METTL8: variants seen among roughly 807,000 people sequenced by gnomAD.
METTL8 encodes methyltransferase 8, tRNA N3-cytidine, also known as tRNA N(3)-cytidine methyltransferase METTL8, mitochondrial.
METTL8 carries 32 observed loss-of-function variants against 48.7 expected under a neutral mutation model. That is an observed-to-expected ratio of 0.66 (90% CI 0.50 to 0.88). METTL8 has a LOEUF of 0.88. METTL8 is among the 40% of genes least tolerant of loss of function. The pLI, the probability that METTL8 is intolerant of heterozygous loss-of-function variation, is 0.00. For missense variants in METTL8, 464 were observed against 474.4 expected (o/e 0.98, Z 0.20); for synonymous variants, 136 against 157.1 (o/e 0.87, Z 1.01).
chr2:171,336,494 C>T (rs1195544857), intron 5 of METTL8, among the ~76,000 whole-genome samples: 1 of 134,008 alleles, frequency 7.5e-6, no homozygotes, highest in African/African-American at 2.8e-5. Flanking sequence ...CTCGGCCTCC[C>T]GGGTTCACGC....
In METTL8 at chr2:171,387,102, A is replaced by G. The variant is rs544941547; in HGVS notation, c.143+4941T>C. On this transcript the variant is annotated intron_variant, in intron 2 of 9. Transcript: ENST00000375258. ...AGTGATCCGATTCTTCCCATACACCAAGGCAAGAACCCTGGGATACAGAAA... is the reference window on the plus strand; with the variant it reads ...AGTGATCCGATTCTTCCCATACACCGAGGCAAGAACCCTGGGATACAGAAA... Among the ~76,000 whole-genome samples the G allele has an allele frequency of 3.9e-5, 5 of 128,386 alleles. No homozygotes were observed. The South Asian group carries it at 1.1e-3, about 29-fold the overall frequency. The allele number at this position is 128,386 out of a possible 152,430, so 84.2% of individuals were successfully genotyped here.
intron 4 of METTL8, among the ~76,000 whole-genome samples, chr2:171,337,771 T>C (rs1366475477): frequency 6.9e-6 from 1 of 144,422 alleles, no homozygotes; most frequent in Non-Finnish European, 1.5e-5. Context: ...CTGCAATGAA[T>C]ATGATAAAGG....
chr2:171,324,882 A>G (rs1684771967), intron 9 of METTL8, among the ~76,000 whole-genome samples: 1 of 152,072 alleles, frequency 6.6e-6, no homozygotes, highest in African/African-American at 2.4e-5. Context: ...GCCAGGGTGA[A>G]TCACTTGAGG....
At chr2:171,348,030 TC>T (rs1683472018) in intron 3 of METTL8, among the ~76,000 whole-genome samples, 1 of 152,174 alleles carries the variant, frequency 6.6e-6, no homozygotes, top group Non-Finnish European at 1.5e-5. Flanking sequence ...GGCACTGCCC[TC>T]TTCACTAGGT....
In METTL8 at chr2:171,339,289, G is replaced by T; in HGVS notation, c.501C>A (p.Ser167Arg). The change falls in exon 4 of 10, where the codon AGC becomes AGA. Residue 167 changes from serine (S) to arginine (R), a missense_variant. By Grantham distance (110) the Ser-to-Arg change is moderately radical (BLOSUM62 -1). Coordinates refer to ENST00000375258, the MANE Select transcript of METTL8 (RefSeq NM_001321154.2). ...EKSSGSSEGQ[S>R]KTESDFSNLD... ...GGTTGGAAAAATCAGATTCTGTTTT[G>T]CTTTGACCTTCTGAAGAACCAGAAC... is the stretch of plus-strand genomic sequence containing the variant. 6.2e-7 allele frequency: 1 copy of T among 1,612,836 alleles called. No individual in the cohort carries two copies. The highest frequency in any genetic ancestry group is 8.5e-7 in the Non-Finnish European group (1 of 1,179,292).
chr2:171,421,980 A>C lies in METTL8; in HGVS notation c.-13+11903T>G, dbSNP rs185753933. ...TTTCAATAAGGCTTTTGGGAAGCCCAAGCTGATTTTAAAAGGTATATGAAA... is the reference window on the plus strand; with the variant it reads ...TTTCAATAAGGCTTTTGGGAAGCCCCAGCTGATTTTAAAAGGTATATGAAA... On this transcript the variant is annotated intron_variant, in intron 1 of 9. Transcript: ENST00000375258. 1.3e-4 allele frequency among the ~76,000 whole-genome samples: 20 copies of C among 152,364 alleles called. No homozygotes were observed. In the East Asian group the frequency reaches 2.9e-3, roughly 22 times the overall value.
At chr2:171,364,693 C>A (rs751792060) in intron 2 of METTL8, among the ~76,000 whole-genome samples, 8 of 152,114 alleles carry the variant, frequency 5.3e-5, no homozygotes, top group Non-Finnish European at 1.2e-4. Context: ...CACACACACA[C>A]CCCAATTATT....
intron 5 of METTL8, among the ~76,000 whole-genome samples, chr2:171,336,602 C>T (rs1216262207): frequency 6.6e-6 from 1 of 151,768 alleles, no homozygotes; most frequent in Non-Finnish European, 1.5e-5. Context: ...GAGGTTTCAC[C>T]GTGTTAGCCA....
chr2:171,408,296 G>GTT (rs373375150), intron 1 of METTL8, among the ~76,000 whole-genome samples: 15 of 127,218 alleles, frequency 1.2e-4, no homozygotes, highest in Non-Finnish European at 2.0e-4. Context: ...CAGTTTTTTT[G>GTT]TTTTTTTTTT....
At position 171,316,230 on chromosome 2, in the gene METTL8, C is replaced by T. The variant is rs1684257458; in HGVS notation, c.*7942G>A. Among the ~76,000 whole-genome samples the T allele has an allele frequency of 6.6e-6, 1 of 152,204 alleles. No homozygotes were observed. Among genetic ancestry groups the T allele is most frequent in the South Asian group, 2.1e-4 (1 of 4,824 alleles). On this transcript the variant is annotated 3_prime_UTR_variant, in exon 10 of 10. Transcript: ENST00000375258. ...TCCAGGGAATGAGCAGGACTTAATT[C>T]TCATGCCGGCATGGGGCTGCCGGGC... is the stretch of plus-strand genomic sequence containing the variant.
At chr2:171,373,264 C>A (rs566463664) in intron 2 of METTL8, among the ~76,000 whole-genome samples, 2 of 152,092 alleles carry the variant, frequency 1.3e-5, no homozygotes, top group Admixed American at 6.5e-5. Flanking sequence ...ATGTGTCTGT[C>A]GGCTGCATAA....
intron 1 of METTL8, among the ~76,000 whole-genome samples, chr2:171,397,587 A>G (rs1689235536): frequency 1.4e-5 from 2 of 145,524 alleles, no homozygotes; most frequent in Admixed American, 6.8e-5. Context: ...AGAGAGAGAG[A>G]GGGAAGGAGG....
chr2:171,424,338 G>T (rs1215989972), intron 1 of METTL8, among the ~76,000 whole-genome samples: 1 of 146,760 alleles, frequency 6.8e-6, no homozygotes. Flanking sequence ...TGAGAAGAGG[G>T]CCCCCATCCT....
chr2:171,409,165 T>C (rs1235396042), intron 1 of METTL8, among the ~76,000 whole-genome samples: 1 of 152,210 alleles, frequency 6.6e-6, no homozygotes, highest in Non-Finnish European at 1.5e-5. Context: ...GGACTTGAAG[T>C]TGAGATTAAG....
At chr2:171,329,673 T>C (rs1559048363) in intron 7 of METTL8, among the ~76,000 whole-genome samples, 1 of 152,244 alleles carries the variant, frequency 6.6e-6, no homozygotes, top group South Asian at 2.1e-4. Context: ...TGCTCATTTC[T>C]GAATGGGAAG....
chr2:171,405,991 C>T (rs757348455), intron 1 of METTL8, among the ~76,000 whole-genome samples: 1 of 152,202 alleles, frequency 6.6e-6, no homozygotes, highest in Non-Finnish European at 1.5e-5. Context: ...CATAAGTTGC[C>T]TATCTAAAGA....
intron 2 of METTL8, 94 bp downstream of exon 2, chr2:171,391,949 G>T: frequency 1.5e-6 from 2 of 1,304,846 alleles, no homozygotes; most frequent in Non-Finnish European, 1.0e-6. Flanking sequence ...TAGGTCATCA[G>T]CTTTAAAAAC....
Position 171,316,014 on chromosome 2 carries a change from A to G in METTL8, c.*8158T>C, listed in dbSNP as rs1489152524. ...TGTGTTGTGTAGTGTGTGACGTAGTAGGTGAAAAACAGCAAAGAGGTAATT... is the reference window on the plus strand; with the variant it reads ...TGTGTTGTGTAGTGTGTGACGTAGTGGGTGAAAAACAGCAAAGAGGTAATT... On this transcript the variant is annotated 3_prime_UTR_variant, in exon 10 of 10. Transcript: ENST00000375258. 7.2e-5 allele frequency among the ~76,000 whole-genome samples: 11 copies of G among 152,354 alleles called. No individual in the cohort carries two copies. The East Asian group carries it at 2.1e-3, about 29-fold the overall frequency.
In METTL8 at chr2:171,433,928, GC is replaced by G. The variant is rs1308764563; in HGVS notation, c.-59del. 48 of 187,088 alleles carry G rather than the reference GC, an allele frequency of 2.6e-4. No homozygotes were observed. Among genetic ancestry groups the G allele is most frequent in the Non-Finnish European group, 2.2e-4 (20 of 89,730 alleles). 11.6% of individuals were successfully genotyped at this position (187,088 alleles called of 1,614,324 possible). A position where few individuals can be genotyped will look rare whatever the true frequency, so the allele number is the denominator to read the frequency against. On this transcript the variant is annotated 5_prime_UTR_variant, in exon 1 of 10. Coordinates refer to ENST00000375258, the MANE Select transcript of METTL8 (RefSeq NM_001321154.2). Reference sequence around the variant, plus strand: ...TTGGGGGGATCGCCCTCGACACAGCGCCCCTCCCGGCACCTGGCCAGAACCT... The same window carrying G: ...TTGGGGGGATCGCCCTCGACACAGCGCCCTCCCGGCACCTGGCCAGAACCT...
Sources: allele counts gnomAD v4.1 joint callset (sites outside exome capture counted in the v4.1 genomes callset), GRCh38; gene constraint gnomAD v4.1.1; transcripts MANE v1.5; gene names NCBI Gene and HGNC (gene_info 2026-07-23, HGNC 2026-07-21).